GLIS1: variants seen among roughly 807,000 people sequenced by gnomAD.
The protein encoded by GLIS1 is GLIS family zinc finger 1.
Under a neutral mutation model 63.8 loss-of-function variants are expected in GLIS1, and 24 were observed. The observed-to-expected ratio is 0.38, with a 90% CI of 0.27 to 0.53. The LOEUF is 0.53. Among genes scored for constraint, GLIS1 ranks in the 20% least tolerant of loss-of-function variants. GLIS1 has a pLI of 0.85. For synonymous variants in GLIS1, 450 were observed against 482.5 expected, an observed-to-expected ratio of 0.93 and a Z score of 0.88; for missense variants, 1,036 against 1,074.1, an observed-to-expected ratio of 0.96 and a Z score of 0.50.
chr1:53,671,903 C>G (rs779362074), intron 2 of GLIS1, among the ~76,000 whole-genome samples: 3 of 152,152 alleles, frequency 2.0e-5, no homozygotes, highest in Non-Finnish European at 4.4e-5. Flanking sequence ...TCCTTCCCCT[C>G]CTTCTCAACT....
chr1:53,540,534 G>A (rs1208530518), intron 4 of GLIS1, among the ~76,000 whole-genome samples: 1 of 152,116 alleles, frequency 6.6e-6, no homozygotes, highest in African/African-American at 2.4e-5. Flanking sequence ...TGTGGCCTTG[G>A]TACTGGGCAC....
At chr1:53,550,924 C>T (rs1178470949) in intron 4 of GLIS1, among the ~76,000 whole-genome samples, 4 of 152,140 alleles carry the variant, frequency 2.6e-5, no homozygotes, top group Non-Finnish European at 5.9e-5. Flanking sequence ...GATCTCGGCT[C>T]ACTGCAACCT....
At position 53,509,371 on chromosome 1, in the gene GLIS1, C is replaced by T. The variant is rs538336030; in HGVS notation, c.2063-84G>A. The T allele has an allele frequency of 1.7e-4, 231 of 1,336,712 alleles. No homozygotes were observed. The Admixed American group carries it at 2.8e-3, about 16-fold the overall frequency. The allele number at this position is 1,336,712 out of a possible 1,614,324, so 82.8% of individuals were successfully genotyped here. A position where few individuals can be genotyped will look rare whatever the true frequency, so the allele number is the denominator to read the frequency against. ...GGGAACATCCTTGCTGCACGCTCCA[C>T]CTCCCGTGTTGTCCTGTCCAGGCAT... On this transcript the variant is annotated intron_variant, in intron 9 of 10. Coordinates refer to ENST00000628545, the MANE Select transcript of GLIS1 (RefSeq NM_001367484.1).
At chr1:53,561,171 T>C (rs1644888702) in intron 4 of GLIS1, among the ~76,000 whole-genome samples, 1 of 152,302 alleles carries the variant, frequency 6.6e-6, no homozygotes, top group Middle Eastern at 3.4e-3. Flanking sequence ...GATGAAGAAA[T>C]TGAGGCTCAG....
intron 2 of GLIS1, among the ~76,000 whole-genome samples, chr1:53,625,293 C>T (rs1221701015): frequency 6.6e-6 from 1 of 152,252 alleles, no homozygotes; most frequent in Non-Finnish European, 1.5e-5. Context: ...AGGCCAGCAT[C>T]TGGCCAGAGG....
chr1:53,604,089 T>C, intron 2 of GLIS1, among the ~76,000 whole-genome samples: 1 of 152,258 alleles, frequency 6.6e-6, no homozygotes, highest in East Asian at 1.9e-4. Flanking sequence ...AATGAGAATA[T>C]GAACACAATG....
chr1:53,608,135 T>G (rs960763040), intron 2 of GLIS1, among the ~76,000 whole-genome samples: 1 of 152,072 alleles, frequency 6.6e-6, no homozygotes, highest in African/African-American at 2.4e-5. Context: ...TTGGCTAATT[T>G]TTTATTTTTT....
chr1:53,604,772 T>C (rs889524929), intron 2 of GLIS1, among the ~76,000 whole-genome samples: 2 of 152,120 alleles, frequency 1.3e-5, no homozygotes, highest in Admixed American at 1.3e-4. Flanking sequence ...GTATAAGGCT[T>C]AGACTTGCCT....
intron 2 of GLIS1, among the ~76,000 whole-genome samples, chr1:53,715,646 G>A (rs920223089): frequency 6.6e-6 from 1 of 152,156 alleles, no homozygotes; most frequent in African/African-American, 2.4e-5. Context: ...TCAGGACTGA[G>A]GCAGGGACGC....
At chr1:53,676,204 C>T (rs992815292) in intron 2 of GLIS1, among the ~76,000 whole-genome samples, 2 of 152,204 alleles carry the variant, frequency 1.3e-5, no homozygotes, top group Non-Finnish European at 2.9e-5. Context: ...CCCCACCCCA[C>T]AGGCCCCAAG....
At chr1:53,510,762 C>T (rs1336666648) in intron 8 of GLIS1, among the ~76,000 whole-genome samples, 1 of 152,194 alleles carries the variant, frequency 6.6e-6, no homozygotes, top group Non-Finnish European at 1.5e-5. Context: ...GTCCCATGGC[C>T]AAGTCGGCAT....
intron 4 of GLIS1, among the ~76,000 whole-genome samples, chr1:53,577,263 G>C (rs745896262): frequency 6.6e-6 from 1 of 151,970 alleles, no homozygotes; most frequent in Non-Finnish European, 1.5e-5. Context: ...GCATGCCCCA[G>C]ATCAAGTCAC....
At position 53,539,424 on chromosome 1, in the gene GLIS1, C is replaced by T. The variant is rs1644617470; in HGVS notation, c.1321-9472G>A. Among the ~76,000 whole-genome samples, 1 of 151,510 alleles carries T rather than the reference C, an allele frequency of 6.6e-6. No homozygotes were observed. The highest frequency in any genetic ancestry group is 2.4e-5 in the African/African-American group (1 of 41,158). On this transcript the variant is annotated intron_variant, in intron 4 of 10. Coordinates refer to ENST00000628545, the MANE Select transcript of GLIS1 (RefSeq NM_001367484.1). The surrounding 1 kb of genome is among the most constrained non-coding windows in gnomAD (Gnocchi z 5.0). Reference sequence around the variant, plus strand: ...ACAGCACATGAATGCACACCCCACACACACACCATACCACACATCACAGCA... The same window carrying T: ...ACAGCACATGAATGCACACCCCACATACACACCATACCACACATCACAGCA...
intron 2 of GLIS1, among the ~76,000 whole-genome samples, chr1:53,680,606 G>A (rs1646264753): frequency 6.6e-6 from 1 of 152,240 alleles, no homozygotes; most frequent in African/African-American, 2.4e-5. Context: ...GTGATCCTCA[G>A]AAGATGTGAT....
At chr1:53,716,478 CA>C (rs1646699803) in intron 2 of GLIS1, among the ~76,000 whole-genome samples, 2 of 151,856 alleles carry the variant, frequency 1.3e-5, no homozygotes, top group African/African-American at 4.8e-5. Flanking sequence ...AAAGGAGTAA[CA>C]ACAATCAACA....
At chr1:53,705,277 A>G (rs1646567090) in intron 2 of GLIS1, among the ~76,000 whole-genome samples, 1 of 152,184 alleles carries the variant, frequency 6.6e-6, no homozygotes, top group African/African-American at 2.4e-5. Flanking sequence ...CGGCAGATAC[A>G]GCCAGAGGGT....
At chr1:53,583,562 T>C (rs2948046) in intron 4 of GLIS1, among the ~76,000 whole-genome samples, 148,847 of 152,288 alleles carry the variant, frequency 0.98, 72,819 homozygotes, top group South Asian at 1. Flanking sequence ...TGAGCTTATG[T>C]CCCAACATGG....
At chr1:53,514,923 G>C in intron 7 of GLIS1, 142 bp from the exon 8 acceptor site, 2 of 1,069,116 alleles carry the variant, frequency 1.9e-6, no homozygotes, top group Non-Finnish European at 1.3e-6. Context: ...GGAAGTTTAG[G>C]GGCCCCAGTG....
rs1433501047 is a variant in GLIS1, at chr1:53,511,173, G to C, written c.1884-1146C>G. Among the ~76,000 whole-genome samples the C allele has an allele frequency of 6.6e-6, 1 of 152,234 alleles. No homozygotes were observed. Among genetic ancestry groups the C allele is most frequent in the Non-Finnish European group, 1.5e-5 (1 of 68,042 alleles). ...CATTTATGTACATGGCAGAAAGAGG[G>C]AGATAGTGAGAGCTCGGAGTCCCCA... On this transcript the variant is annotated intron_variant, in intron 8 of 10. Coordinates refer to ENST00000628545, the MANE Select transcript of GLIS1 (RefSeq NM_001367484.1). The surrounding 1 kb of genome is among the most constrained non-coding windows in gnomAD (Gnocchi z 4.2).
Sources: allele counts gnomAD v4.1 joint callset (sites outside exome capture counted in the v4.1 genomes callset), GRCh38; gene constraint gnomAD v4.1.1; non-coding constraint Gnocchi (gnomAD v3.1); transcripts MANE v1.5; gene names NCBI Gene and HGNC (gene_info 2026-07-23, HGNC 2026-07-21).